Variants in IDO2 observed in about 807,000 individuals in gnomAD.
IDO2 encodes the protein indoleamine 2,3-dioxygenase 2.
A neutral mutation model predicts 45.1 loss-of-function variants in IDO2; 46 were observed. The observed-to-expected ratio is 1.02, with a 90% confidence interval of 0.80 to 1.30. IDO2 has a LOEUF of 1.30. Ranked by LOEUF, IDO2 falls within the 50% of genes most tolerant of loss-of-function variation. IDO2 has a pLI of 0.00. For synonymous variants in IDO2, 218 were observed against 184.9 expected (o/e 1.18, Z -1.45); for missense variants, 544 against 491.8 (o/e 1.11, Z -1.00).
intron 3 of IDO2, among the ~76,000 whole-genome samples, chr8:39,969,834 G>A (rs563110453): frequency 2.0e-5 from 3 of 150,220 alleles, no homozygotes; most frequent in African/African-American, 4.9e-5. Flanking sequence ...TAGATTGTGC[G>A]ATTGCACTCC....
In IDO2 at chr8:39,955,558, A is replaced by G. The variant is rs913311503; in HGVS notation, c.99+6294A>G. 1.1e-4 allele frequency among the ~76,000 whole-genome samples: 17 copies of G among 152,136 alleles called. No individual in the cohort carries two copies. In the Middle Eastern group the frequency reaches 0.01, roughly 91 times the overall value. On this transcript the variant is annotated intron_variant, in intron 2 of 10. Coordinates refer to ENST00000502986, the Ensembl canonical transcript of IDO2. ...GGTTGCCTGGTGATTTTTAAGAGGA[A>G]TGACTGAGCTCTCATGCCAGGTGGG... is the stretch of plus-strand genomic sequence containing the variant.
At chr8:40,008,174 G>A (rs1000379190) in intron 9 of IDO2, among the ~76,000 whole-genome samples, 2 of 151,704 alleles carry the variant, frequency 1.3e-5, no homozygotes, top group African/African-American at 4.8e-5. Flanking sequence ...AGCCTCCCGA[G>A]TAGCTGGGAT....
intron 2 of IDO2, among the ~76,000 whole-genome samples, chr8:39,950,599 G>A (rs1226194045): frequency 1.3e-5 from 2 of 152,206 alleles, no homozygotes; most frequent in Non-Finnish European, 2.9e-5. Context: ...CTCAATAGCT[G>A]TCCAGCCACG....
At chr8:39,963,334 T>G (rs1298585867) in intron 2 of IDO2, among the ~76,000 whole-genome samples, 1 of 152,246 alleles carries the variant, frequency 6.6e-6, no homozygotes. Flanking sequence ...TTGCAAGTTA[T>G]TTGGCTCACA....
At chr8:39,948,279 C>T (rs1807767997) in intron 1 of IDO2, among the ~76,000 whole-genome samples, 1 of 152,176 alleles carries the variant, frequency 6.6e-6, no homozygotes, top group East Asian at 1.9e-4. Context: ...GACTATGTTG[C>T]TCAAACTACA....
intron 1 of IDO2, among the ~76,000 whole-genome samples, chr8:39,947,857 G>A (rs1375176090): frequency 2.0e-5 from 3 of 147,468 alleles, no homozygotes; most frequent in Admixed American, 6.8e-5. Flanking sequence ...GCGCGATCTC[G>A]GCTCACTGCA....
chr8:39,970,979 A>G (rs60973996), intron 3 of IDO2, among the ~76,000 whole-genome samples: 37,531 of 151,066 alleles, frequency 0.25, 6,176 homozygotes, highest in East Asian at 0.71. Flanking sequence ...GTTGGCCAAG[A>G]TGGTCTCTAT....
In IDO2 at chr8:39,991,940, G is replaced by A. The variant is rs189091816; in HGVS notation, c.667+2102G>A. 1.2e-4 allele frequency among the ~76,000 whole-genome samples: 19 copies of A among 152,356 alleles called. No individual in the cohort carries two copies. In the South Asian group the frequency reaches 2.5e-3, roughly 20 times the overall value. ...CTCAGCTTCTGCAGGAGGTCTCATCGTCTAAGGAGGTCCCAGGGCTACCGC... is the reference window on the plus strand; with the variant it reads ...CTCAGCTTCTGCAGGAGGTCTCATCATCTAAGGAGGTCCCAGGGCTACCGC... On this transcript the variant is annotated intron_variant, in intron 8 of 10. Coordinates refer to ENST00000502986, the Ensembl canonical transcript of IDO2.
At chr8:39,963,754 C>G in intron 3 of IDO2, 51 bp downstream of exon 3, 1 of 1,071,720 alleles carries the variant, frequency 9.3e-7, no homozygotes, top group Non-Finnish European at 1.4e-6. Flanking sequence ...CATCATACCA[C>G]TTTTCTTTCT....
intron 5 of IDO2, 44 bp from the exon 6 acceptor site, chr8:39,985,464 T>A: frequency 6.6e-7 from 1 of 1,514,726 alleles, no homozygotes; most frequent in Admixed American, 2.1e-5. Context: ...GTTCTTTTAT[T>A]TTTTTTCTCT....
intron 6 of IDO2, 150 bp downstream of exon 6, chr8:39,985,672 C>T: frequency 1.5e-6 from 1 of 668,804 alleles, no homozygotes; most frequent in East Asian, 2.8e-5. Context: ...AGGAAATGTG[C>T]CTAAAATTCA....
intron 2 of IDO2, among the ~76,000 whole-genome samples, chr8:39,955,458 G>T (rs1376332202): frequency 6.6e-6 from 1 of 151,848 alleles, no homozygotes; most frequent in Admixed American, 6.6e-5. Context: ...GTTTCACTAT[G>T]TTGGCCAGGC....
chr8:39,958,163 C>T (rs1241165867), intron 2 of IDO2, among the ~76,000 whole-genome samples: 2 of 151,982 alleles, frequency 1.3e-5, no homozygotes, highest in Admixed American at 1.3e-4. Context: ...CATCGGCCTC[C>T]TAGAGTGCTG....
rs190150538 is a variant in IDO2 at position 39,949,362 on chromosome 8, T to C, written c.99+98T>C. 4.8e-4 allele frequency: 398 copies of C among 824,082 alleles called. 4 individuals carry two copies. The African/African-American group carries it at 6.4e-3, about 13-fold the overall frequency. 51.0% of individuals were successfully genotyped at this position (824,082 alleles called of 1,614,324 possible). On this transcript the variant is annotated intron_variant, in intron 2 of 10. Transcript: ENST00000502986. ...ATGTATGTGATTATTAAGAGACCAA[T>C]ATAAATATCAAGTTGTTTACCTGAG... is the stretch of plus-strand genomic sequence containing the variant.
chr8:40,006,049 G>A (rs781359378), intron 9 of IDO2, among the ~76,000 whole-genome samples: 1 of 152,120 alleles, frequency 6.6e-6, no homozygotes, highest in African/African-American at 2.4e-5. Flanking sequence ...TGGACGTGGA[G>A]ACCAGGCCCT....
chr8:39,935,524 A>C (rs1029042925), intron 1 of IDO2, among the ~76,000 whole-genome samples: 1 of 152,036 alleles, frequency 6.6e-6, no homozygotes, highest in African/African-American at 2.4e-5. Context: ...ATCTCGGCTC[A>C]CTGCAACCTC....
At chr8:39,972,101 C>G (rs954696669) in intron 3 of IDO2, among the ~76,000 whole-genome samples, 3 of 152,194 alleles carry the variant, frequency 2.0e-5, no homozygotes, top group Non-Finnish European at 4.4e-5. Context: ...TGGGCCAACA[C>G]CCCGGCTGCA....
intron 2 of IDO2, among the ~76,000 whole-genome samples, chr8:39,955,761 C>T (rs913372300): frequency 1.3e-5 from 2 of 152,172 alleles, no homozygotes; most frequent in Non-Finnish European, 2.9e-5. Context: ...AACTTTGTTG[C>T]TATTTTGGCA....
intron 1 of IDO2, among the ~76,000 whole-genome samples, chr8:39,947,850 C>T (rs951243359): frequency 1.4e-4 from 21 of 147,676 alleles, no homozygotes; most frequent in East Asian, 4.0e-4. Context: ...TGCAATGGCG[C>T]GATCTCGGCT....
Sources: gnomAD v4.1 joint callset for allele counts (sites outside exome capture counted in the v4.1 genomes callset) on GRCh38, gnomAD v4.1.1 for gene constraint, MANE v1.5 for transcripts, NCBI Gene and HGNC (gene_info 2026-07-23, HGNC 2026-07-21) for gene names.